Variants in RAD51B observed in about 807,000 individuals in gnomAD.
RAD51B encodes the protein RAD51 paralog B.
In RAD51B, 38 loss-of-function variants were observed where a neutral mutation model predicts 42.2. The ratio of observed to expected loss-of-function variants is 0.90; its 90% CI spans 0.70 to 1.18. The LOEUF (loss-of-function observed/expected upper bound fraction) is 1.18. Among genes scored for constraint, RAD51B ranks in the 50% most tolerant of loss-of-function variants. RAD51B has a pLI of 0.00. For missense variants in RAD51B, 373 were observed against 400.7 expected (o/e 0.93, Z 0.59); for synonymous variants, 154 against 145.2 (o/e 1.06, Z -0.43).
At chr14:68,163,306 G>A (rs2078682262) in intron 7 of RAD51B, among the ~76,000 whole-genome samples, 1 of 152,160 alleles carries the variant, frequency 6.6e-6, no homozygotes, top group Admixed American at 6.6e-5. Flanking sequence ...TCTCATGACT[G>A]TATGCAGCAT....
rs149578600 is a variant in RAD51B at position 68,650,043 on chromosome 14, G to A, written c.1037-738G>A. 8.7e-4 allele frequency among the ~76,000 whole-genome samples: 133 copies of A among 152,248 alleles called. 1 individual carries two copies. In the East Asian group the frequency reaches 0.021, roughly 24 times the overall value. On this transcript the variant is annotated intron_variant, in intron 10 of 11. Coordinates refer to the RAD51B transcript ENST00000488612. ...GGGAGACTCTAAAGTCACTCCCCCC[G>A]CAGAGCCTAATTTCTCCATCAGAAA...
chr14:68,562,550 G>T (rs1373610744), intron 10 of RAD51B: 2 of 985,410 alleles, frequency 2.0e-6, no homozygotes, highest in African/African-American at 1.7e-5. Flanking sequence ...TTTGGCACGT[G>T]GCAAACTAAC....
At chr14:68,142,161 A>G (rs369625531) in intron 7 of RAD51B, among the ~76,000 whole-genome samples, 2 of 152,138 alleles carry the variant, frequency 1.3e-5, no homozygotes, top group South Asian at 2.1e-4. Flanking sequence ...TAAATGTCAT[A>G]TGACATGATT....
intron 8 of RAD51B, among the ~76,000 whole-genome samples, chr14:68,335,315 AAAAG>A: frequency 1.0e-4 from 2 of 19,444 alleles, no homozygotes; most frequent in Non-Finnish European, 1.5e-4. Flanking sequence ...AAAAAAAAAG[AAAAG>A]AAAAAAGAAA....
intron 7 of RAD51B, among the ~76,000 whole-genome samples, chr14:68,208,119 TA>T (rs10712012): frequency 1 from 149,127 of 149,776 alleles, 74,256 homozygotes; most frequent in Middle Eastern, 1. Flanking sequence ...GTATAATATT[TA>T]AAAAAAAAAA....
At chr14:68,374,963 C>A (rs777497922) in intron 8 of RAD51B, among the ~76,000 whole-genome samples, 25 of 151,526 alleles carry the variant, frequency 1.6e-4, no homozygotes, top group Non-Finnish European at 3.5e-4. Context: ...TGGCGTGAAT[C>A]CGAGACAATG....
chr14:67,868,510 G>T (rs2042405381), intron 5 of RAD51B, among the ~76,000 whole-genome samples: 1 of 151,322 alleles, frequency 6.6e-6, no homozygotes, highest in Admixed American at 6.6e-5. Flanking sequence ...GGCTCAGGGA[G>T]GGGCACCCGC....
intron 10 of RAD51B, among the ~76,000 whole-genome samples, chr14:68,539,383 C>G (rs1458369039): frequency 1.3e-5 from 2 of 152,166 alleles, no homozygotes; most frequent in African/African-American, 4.8e-5. Context: ...CCAGCCACAG[C>G]CTCCTTGCCT....
At chr14:67,964,624 T>C (rs912965908) in intron 7 of RAD51B, among the ~76,000 whole-genome samples, 3 of 151,966 alleles carry the variant, frequency 2.0e-5, no homozygotes, top group Admixed American at 1.3e-4. Context: ...TTCTTTTTCT[T>C]TTTTTTTCCC....
Position 68,224,042 on chromosome 14 carries a change from T to C in RAD51B, c.757-67842T>C, listed in dbSNP as rs149174457. On this transcript the variant is annotated intron_variant, in intron 7 of 10. Coordinates refer to ENST00000471583, the MANE Select transcript of RAD51B (RefSeq NM_133510.4). ...CACATGCACAGACAAAGAAGTTCCA[T>C]GTTTGCTGAGTGGGACCAAGCAATC... is the stretch of plus-strand genomic sequence containing the variant. Among the ~76,000 whole-genome samples the C allele has an allele frequency of 4.4e-3, 671 of 152,332 alleles. 1 individual carries two copies. The highest frequency in any genetic ancestry group is 0.017 in the Middle Eastern group (5 of 294).
intron 7 of RAD51B, among the ~76,000 whole-genome samples, chr14:67,990,785 T>G (rs1336141156): frequency 6.6e-6 from 1 of 152,216 alleles, no homozygotes; most frequent in African/African-American, 2.4e-5. Context: ...TATACAAATA[T>G]GTATAGTTTG....
intron 7 of RAD51B, among the ~76,000 whole-genome samples, chr14:68,188,282 TCCTTCTTC>T (rs1025989294): frequency 6.6e-6 from 1 of 152,048 alleles, no homozygotes; most frequent in East Asian, 1.9e-4. Context: ...TTTTTCTTTT[TCCTTCTTC>T]CCTTCTTCCT....
intron 7 of RAD51B, among the ~76,000 whole-genome samples, chr14:68,023,711 T>C (rs1300559524): frequency 6.6e-6 from 1 of 152,200 alleles, no homozygotes; most frequent in African/African-American, 2.4e-5. Context: ...GCTTGTTGAA[T>C]TGTTTAAATT....
intron 7 of RAD51B, among the ~76,000 whole-genome samples, chr14:67,901,952 A>G (rs569693548): frequency 6.6e-6 from 1 of 152,318 alleles, no homozygotes; most frequent in East Asian, 1.9e-4. Context: ...GGTACAATGT[A>G]TGTTATTCCA....
chr14:67,945,364 A>C (rs1488621244), intron 7 of RAD51B, among the ~76,000 whole-genome samples: 1 of 152,192 alleles, frequency 6.6e-6, no homozygotes, highest in African/African-American at 2.4e-5. Flanking sequence ...TGGGACATTA[A>C]TTGTCAAAAA....
chr14:68,240,381 G>A (rs1228352112), intron 7 of RAD51B, among the ~76,000 whole-genome samples: 1 of 152,110 alleles, frequency 6.6e-6, no homozygotes, highest in African/African-American at 2.4e-5. Flanking sequence ...CAGGAAAAGC[G>A]GAGAGAAAAA....
rs1183023108 is a variant in RAD51B, at chr14:68,618,249, A to G, written c.1037-32532A>G. On this transcript the variant is annotated intron_variant, in intron 10 of 11. Coordinates refer to the RAD51B transcript ENST00000488612. ...CTGTCAACCTGTCTAGATTGCATCA[A>G]TGGGGCACCATTGACCTCTAGTTTC... Among the ~76,000 whole-genome samples the G allele has an allele frequency of 3.3e-5, 5 of 152,324 alleles. No individual in the cohort carries two copies. In the South Asian group the frequency reaches 6.2e-4, roughly 19 times the overall value.
chr14:68,111,514 T>C (rs2077458986), intron 7 of RAD51B, among the ~76,000 whole-genome samples: 2 of 152,076 alleles, frequency 1.3e-5, no homozygotes, highest in Non-Finnish European at 2.9e-5. Flanking sequence ...TTTTGGTGAG[T>C]AGGTGTCTGC....
At chr14:67,983,868 A>C (rs2075137152) in intron 7 of RAD51B, among the ~76,000 whole-genome samples, 1 of 152,014 alleles carries the variant, frequency 6.6e-6, no homozygotes, top group Admixed American at 6.6e-5. Context: ...TTGGTGATAT[A>C]AAACCACCGA....
Sources: gnomAD v4.1 joint callset for allele counts (sites outside exome capture counted in the v4.1 genomes callset) on GRCh38, gnomAD v4.1.1 for gene constraint, MANE v1.5 for transcripts, NCBI Gene and HGNC (gene_info 2026-07-23, HGNC 2026-07-21) for gene names.